CRTC3: variants seen among roughly 807,000 people sequenced by gnomAD.
CRTC3 encodes the protein CREB regulated transcription coactivator 3.
CRTC3 carries 26 observed loss-of-function variants against 74.5 expected under a neutral mutation model. That is an observed-to-expected ratio of 0.35 (90% confidence interval 0.26 to 0.48). The LOEUF (loss-of-function observed/expected upper bound fraction) is 0.48. Ranked by LOEUF, CRTC3 falls within the 20% of genes least tolerant of loss-of-function variation. The pLI, the probability that CRTC3 is intolerant of heterozygous loss-of-function variation, is 0.99. For missense variants in CRTC3, 760 were observed against 787.3 expected, an observed-to-expected ratio of 0.97 and a Z score of 0.41; for synonymous variants, 377 against 325.8, an observed-to-expected ratio of 1.16 and a Z score of -1.69.
chr15:90,616,751 G>A (rs1209405894), intron 7 of CRTC3, among the ~76,000 whole-genome samples: 1 of 152,198 alleles, frequency 6.6e-6, no homozygotes, highest in Non-Finnish European at 1.5e-5. Flanking sequence ...TACCTGGCAC[G>A]ACTGAGAGAG....
At chr15:90,578,383 C>T (rs1443180227) in intron 2 of CRTC3, among the ~76,000 whole-genome samples, 1 of 151,978 alleles carries the variant, frequency 6.6e-6, no homozygotes, top group Non-Finnish European at 1.5e-5. Context: ...CCCGTCTCTA[C>T]TAAAAATACA....
At chr15:90,605,286 T>A (rs1248467956) in intron 5 of CRTC3, among the ~76,000 whole-genome samples, 2 of 152,006 alleles carry the variant, frequency 1.3e-5, no homozygotes, top group Admixed American at 6.6e-5. Context: ...TGGTGCAAAA[T>A]TTTAAATATA....
At chr15:90,550,444 G>C (rs4288973) in intron 2 of CRTC3, among the ~76,000 whole-genome samples, 2 of 145,676 alleles carry the variant, frequency 1.4e-5, no homozygotes. Context: ...ATTTTCCTTT[G>C]CCTGTTTTTT....
At chr15:90,585,005 A>T (rs16944586) in intron 2 of CRTC3, among the ~76,000 whole-genome samples, 1 of 152,166 alleles carries the variant, frequency 6.6e-6, no homozygotes, top group Non-Finnish European at 1.5e-5. Context: ...AGACTACTGG[A>T]GCCAACGTCA....
chr15:90,608,165 G>A (rs1198471285), intron 6 of CRTC3, among the ~76,000 whole-genome samples: 2 of 152,176 alleles, frequency 1.3e-5, no homozygotes, highest in African/African-American at 4.8e-5. Flanking sequence ...GATGGAGAGA[G>A]GCCAGGAGTA....
chr15:90,630,213 G>A lies in CRTC3; in HGVS notation c.1266+681G>A, dbSNP rs550452821. On this transcript the variant is annotated intron_variant, in intron 11 of 14. Transcript: ENST00000268184. ...CAGGTTAGGATTTCAAAGTTGGCAT[G>A]GAAAATCAGTCATTGACTCTCTAAG... Among the ~76,000 whole-genome samples the A allele has an allele frequency of 1.4e-4, 22 of 152,266 alleles. No individual in the cohort carries two copies. The South Asian group carries it at 4.1e-3, about 29-fold the overall frequency.
chr15:90,604,913 A>G (rs1968175185), intron 5 of CRTC3, among the ~76,000 whole-genome samples: 1 of 152,146 alleles, frequency 6.6e-6, no homozygotes, highest in Non-Finnish European at 1.5e-5. Flanking sequence ...TTTCCATTCT[A>G]AAAGGTTAAG....
chr15:90,582,798 G>A (rs575266089), intron 2 of CRTC3, among the ~76,000 whole-genome samples: 1 of 152,292 alleles, frequency 6.6e-6, no homozygotes, highest in African/African-American at 2.4e-5. Context: ...AGCCCACTGT[G>A]TGGCTGACGC....
At chr15:90,598,538 G>A (rs12442767) in intron 3 of CRTC3, 15,453 of 702,268 alleles carry the variant, frequency 0.022, 673 homozygotes, top group East Asian at 0.14. Flanking sequence ...AGAGGCTTGG[G>A]GAGAGAGAGA....
intron 2 of CRTC3, among the ~76,000 whole-genome samples, chr15:90,575,585 G>T (rs187648619): frequency 3.0e-4 from 46 of 152,134 alleles, no homozygotes; most frequent in South Asian, 6.2e-4. Flanking sequence ...TCTTTTCTCC[G>T]ATAGTTTAAA....
Position 90,584,771 on chromosome 15 carries a change from C to CACTA in CRTC3, c.232-8864_232-8861dup, listed in dbSNP as rs772454253. Among the ~76,000 whole-genome samples the CACTA allele has an allele frequency of 1.0e-3, 158 of 152,050 alleles. 1 individual carries two copies. Among genetic ancestry groups the CACTA allele is most frequent in the Middle Eastern group, 3.4e-3 (1 of 292 alleles). ...ATTAACGGCAGATAGGGTAGATAGA[C>CACTA]ACTACCCTATCTAGTGTCTCTACTA... On this transcript the variant is annotated intron_variant, in intron 2 of 14. Transcript: ENST00000268184.
chr15:90,613,829 C>G (rs927115619), intron 6 of CRTC3: 4 of 152,198 alleles, frequency 2.6e-5, no homozygotes, highest in African/African-American at 9.7e-5. Flanking sequence ...AAATACTATG[C>G]TTTGTCATCT....
chr15:90,577,249 A>G (rs1408014191), intron 2 of CRTC3, among the ~76,000 whole-genome samples: 2 of 152,084 alleles, frequency 1.3e-5, no homozygotes, highest in Admixed American at 1.3e-4. Context: ...TTAAATGCAG[A>G]TGGAAAGAGC....
intron 2 of CRTC3, among the ~76,000 whole-genome samples, chr15:90,565,083 C>T (rs1967094725): frequency 1.3e-5 from 2 of 152,318 alleles, no homozygotes; most frequent in East Asian, 1.9e-4. Flanking sequence ...GGTGGGATTA[C>T]AGACATGCGT....
chr15:90,594,972 G>T (rs1170803244), intron 3 of CRTC3: 1 of 152,152 alleles, frequency 6.6e-6, no homozygotes, highest in Non-Finnish European at 1.5e-5. Flanking sequence ...TGACCCCAGG[G>T]AATGTTTTTC....
chr15:90,590,610 T>A (rs554226800), intron 2 of CRTC3, among the ~76,000 whole-genome samples: 1 of 152,270 alleles, frequency 6.6e-6, no homozygotes, highest in African/African-American at 2.4e-5. Context: ...TCCACCTGCC[T>A]CGGCCTCCCA....
At chr15:90,612,026 ACTCCTCCTCCTCCTC>A (rs59213374) in intron 6 of CRTC3, among the ~76,000 whole-genome samples, 6 of 51,204 alleles carry the variant, frequency 1.2e-4, no homozygotes, top group Non-Finnish European at 1.8e-4. Flanking sequence ...ACCACCCCCC[ACTCCTCCTCCTCCTC>A]CTCCTCCTCC....
chr15:90,539,182 TTTA>T (rs768926386), intron 1 of CRTC3, among the ~76,000 whole-genome samples: 2 of 152,226 alleles, frequency 1.3e-5, no homozygotes, highest in Non-Finnish European at 2.9e-5. Flanking sequence ...ATGGAGCTAA[TTTA>T]TTATTTTAGA....
At chr15:90,598,638 A>G in intron 3 of CRTC3, 1 of 646,982 alleles carries the variant, frequency 1.5e-6, no homozygotes, top group African/African-American at 1.8e-5. Flanking sequence ...AGAGGAACAG[A>G]TTAAGGGGAC....
Sources: allele counts gnomAD v4.1 joint callset (sites outside exome capture counted in the v4.1 genomes callset), GRCh38; gene constraint gnomAD v4.1.1; transcripts MANE v1.5; gene names NCBI Gene and HGNC (gene_info 2026-07-23, HGNC 2026-07-21).